HEXD: variants seen among roughly 807,000 people sequenced by gnomAD.
HEXD encodes N-acetyl-beta-galactosaminidase.
A neutral mutation model predicts 54.2 loss-of-function variants in HEXD; 47 were observed. That is an observed-to-expected ratio of 0.87 (90% confidence interval 0.69 to 1.11). The LOEUF is 1.11. HEXD is among the 50% of genes least tolerant of loss of function. The pLI is 0.00. For synonymous variants in HEXD, 293 were observed against 287.6 expected, an observed-to-expected ratio of 1.02 and a Z score of -0.19; for missense variants, 576 against 649.2, an observed-to-expected ratio of 0.89 and a Z score of 1.23.
chr17:82,435,782 G>C lies in HEXD; in HGVS notation c.541G>C (p.Val181Leu). 1 of 1,612,912 alleles carries C rather than the reference G, an allele frequency of 6.2e-7. No individual in the cohort carries two copies. The highest frequency in any genetic ancestry group is 8.5e-7 in the Non-Finnish European group (1 of 1,179,904). ...GTTGTGCCTGTCACACATGCGGGCG[G>C]TGGCCAGCGGCGTGAAGGCCCGGCG... The part of the protein sequence containing the change: ...GKLCLSHMRA[V>L]ASGVKARRPS... The change falls in exon 6 of 13, where the codon GTG (valine) becomes CTG (leucine). Residue 181 changes from valine (V) to leucine (L), a missense_variant. Coordinates refer to ENST00000327949, the MANE Select transcript of HEXD (RefSeq NM_001330542.2).
chr17:82,438,294 T>C (rs953081388), intron 8 of HEXD, among the ~76,000 whole-genome samples: 1 of 152,182 alleles, frequency 6.6e-6, no homozygotes, highest in African/African-American at 2.4e-5. Flanking sequence ...GACATTTCAG[T>C]GTGTAGCCTA....
chr17:82,423,124 C>T lies in HEXD; in HGVS notation c.85-1270C>T, dbSNP rs79681624. Among the ~76,000 whole-genome samples the T allele has an allele frequency of 7.2e-4, 109 of 152,288 alleles. 1 individual carries two copies. Among genetic ancestry groups the T allele is most frequent in the Non-Finnish European group, 1.1e-3 (75 of 68,028 alleles). On this transcript the variant is annotated intron_variant, in intron 2 of 12. Coordinates refer to ENST00000327949, the MANE Select transcript of HEXD (RefSeq NM_001330542.2). ...AGGCAAAGAAGATCCAACTTACACA[C>T]AGCTGGAGTCCCTGTTTCCATCATC...
intron 8 of HEXD, among the ~76,000 whole-genome samples, chr17:82,438,261 A>G (rs532230352): frequency 6.6e-6 from 1 of 152,234 alleles, no homozygotes; most frequent in South Asian, 2.1e-4. Flanking sequence ...GTATTACTCT[A>G]TGATTTAAAG....
At chr17:82,431,269 G>A (rs750074469) in intron 4 of HEXD, among the ~76,000 whole-genome samples, 1 of 152,024 alleles carries the variant, frequency 6.6e-6, no homozygotes, top group East Asian at 1.9e-4. Context: ...CTCTCGGAGC[G>A]CTGGGATTAT....
rs1262148226 is a variant in HEXD, at chr17:82,439,844, C to T, written c.982+131C>T. On this transcript the variant is annotated intron_variant, in intron 9 of 12. Transcript: ENST00000327949. ...GGTCCTCACAGTCGGAGGATGGTCT[C>T]ACCGCCCCAGCTCAGCCACCCACCT... The T allele has an allele frequency of 1.9e-6, 3 of 1,557,662 alleles. No homozygotes were observed. The East Asian group carries it at 7.1e-5, about 37-fold the overall frequency.
intron 7 of HEXD, 75 bp downstream of exon 7, chr17:82,436,813 G>A (rs1567893964): frequency 1.4e-6 from 2 of 1,405,880 alleles, no homozygotes; most frequent in South Asian, 2.5e-5. Context: ...CTGTGACCCT[G>A]CAGCCGGAAC....
intron 9 of HEXD, chr17:82,439,968 G>A (rs1452822549): frequency 6.8e-7 from 1 of 1,480,936 alleles, no homozygotes; most frequent in South Asian, 1.2e-5. Context: ...CAGACACAGT[G>A]AATCCGCAGA....
At chr17:82,424,290 C>G in intron 2 of HEXD, 104 bp from the exon 3 acceptor site, 1 of 739,956 alleles carries the variant, frequency 1.4e-6, no homozygotes, top group Non-Finnish European at 2.4e-6. Context: ...TAGCAACTCC[C>G]ACAGTCTCCA....
intron 8 of HEXD, 138 bp from the exon 9 acceptor site, chr17:82,439,493 G>T: frequency 2.1e-6 from 3 of 1,447,598 alleles, no homozygotes; most frequent in Non-Finnish European, 2.7e-6. Context: ...GGCCCCATGG[G>T]TTGAGGGGGT....
At position 82,435,689 on chromosome 17, in the gene HEXD, G is replaced by A. The variant is rs1431960565; in HGVS notation, c.448G>A (p.Val150Ile). ...ACCCCGTCCTGCTCCTTCCTTGCAG[G>A]TCTATTACCTCGGAGAGGGGGAGGC... ...AQRLHIGCDE[V>I]YYLGEGEASR... The change falls in exon 6 of 13, where the codon GTC (valine) becomes ATC (isoleucine). Residue 150 changes from valine to isoleucine, a missense_variant and splice_region_variant. Physicochemically the swap from Val to Ile is conservative, Grantham distance 29. Transcript: ENST00000327949. 6.2e-7 allele frequency: 1 copy of A among 1,611,228 alleles called. No homozygotes were observed. Among genetic ancestry groups the A allele is most frequent in the Admixed American group, 1.7e-5 (1 of 59,970 alleles).
chr17:82,440,422 A>C (rs2053899492), intron 9 of HEXD: 2 of 738,020 alleles, frequency 2.7e-6, no homozygotes, highest in South Asian at 1.8e-5. Flanking sequence ...AAAAACAGAC[A>C]CCCCTGTACC....
chr17:82,428,784 A>G, intron 4 of HEXD, 139 bp downstream of exon 4: 1 of 700,194 alleles, frequency 1.4e-6, no homozygotes, highest in Non-Finnish European at 2.6e-6. Flanking sequence ...CAACATGGAA[A>G]GGCCTTTGGT....
intron 4 of HEXD, among the ~76,000 whole-genome samples, chr17:82,432,911 CA>C: frequency 6.8e-6 from 1 of 146,198 alleles, no homozygotes; most frequent in South Asian, 2.2e-4. Flanking sequence ...AAACAAAATA[CA>C]AAAATTAGCC....
rs757243822 is a variant in HEXD, at chr17:82,442,631, G to A, written c.*247G>A. ...CACTGATTCTTTGGAAATAAAGAGTGGAAGCTGCAGGTGACACGTGAAGGG... is the reference window on the plus strand; with the variant it reads ...CACTGATTCTTTGGAAATAAAGAGTAGAAGCTGCAGGTGACACGTGAAGGG... On this transcript the variant is annotated 3_prime_UTR_variant, in exon 13 of 13. Transcript: ENST00000327949. The surrounding 1 kb of genome is among the most constrained non-coding windows in gnomAD (Gnocchi z 6.8). 5.8e-5 allele frequency: 88 copies of A among 1,522,390 alleles called. No individual in the cohort carries two copies. The highest frequency in any genetic ancestry group is 7.1e-5 in the Non-Finnish European group (80 of 1,124,284). 94.3% of individuals were successfully genotyped at this position (1,522,390 alleles called of 1,614,324 possible). A position where few individuals can be genotyped will look rare whatever the true frequency, so the allele number is the denominator to read the frequency against.
chr17:82,424,595 G>C (rs1449049738), intron 3 of HEXD, 92 bp downstream of exon 3: 2 of 811,726 alleles, frequency 2.5e-6, no homozygotes, highest in East Asian at 2.5e-5. Flanking sequence ...CTGGAGGTGC[G>C]GGTGGCACAG....
intron 7 of HEXD, 106 bp downstream of exon 7, chr17:82,436,844 C>A: frequency 1.9e-6 from 2 of 1,053,696 alleles, no homozygotes; most frequent in East Asian, 2.6e-5. Flanking sequence ...GGAGCCTGCA[C>A]GGGTAGAGGC....
intron 2 of HEXD, among the ~76,000 whole-genome samples, chr17:82,424,134 A>G (rs2053324101): frequency 6.6e-6 from 1 of 151,960 alleles, no homozygotes; most frequent in South Asian, 2.1e-4. Flanking sequence ...CGTCCCTCCC[A>G]AGCTGAGCCA....
chr17:82,424,457 C>T lies in HEXD; in HGVS notation c.148C>T (p.Pro50Ser). ...CCTCATTGAGTATGAAGACATGTTT[C>T]CCTACGAGGGCCCTCTGAGGCTGCT... ...GLLIEYEDMF[P>S]YEGPLRLLRA... Residue 50 changes from proline (P) to serine (S), a missense_variant, in exon 3 of 13, where the codon CCC becomes TCC. Physicochemically the swap from Pro to Ser is moderately conservative, Grantham distance 74. Transcript: ENST00000327949. 3 of 1,614,102 alleles carry T rather than the reference C, an allele frequency of 1.9e-6. No individual in the cohort carries two copies. Among genetic ancestry groups the T allele is most frequent in the Admixed American group, 1.7e-5 (1 of 60,016 alleles).
rs553705119 is a variant in HEXD at position 82,442,032 on chromosome 17, C to T, written c.1253+143C>T. ...CTGGTCTCAGATGTGCAGCTGTCAC[C>T]GACTTGTTCCTCCCGACATGCCGAT... is the stretch of plus-strand genomic sequence containing the variant. On this transcript the variant is annotated intron_variant, in intron 12 of 12. Coordinates refer to ENST00000327949, the MANE Select transcript of HEXD (RefSeq NM_001330542.2). This position sits in a 1 kb window ranked among gnomAD's most constrained non-coding sequence, Gnocchi z 6.8. The T allele has an allele frequency of 3.0e-5, 39 of 1,300,312 alleles. No homozygotes were observed. Among genetic ancestry groups the T allele is most frequent in the African/African-American group, 1.5e-4 (10 of 68,668 alleles). The allele number at this position is 1,300,312 out of a possible 1,614,324, so 80.5% of individuals were successfully genotyped here. A position where few individuals can be genotyped will look rare whatever the true frequency, so the allele number is the denominator to read the frequency against.
Sources: allele counts gnomAD v4.1 joint callset (sites outside exome capture counted in the v4.1 genomes callset), GRCh38; gene constraint gnomAD v4.1.1; non-coding constraint Gnocchi (gnomAD v3.1); transcripts MANE v1.5; gene names NCBI Gene and HGNC (gene_info 2026-07-23, HGNC 2026-07-21).